The following DLGAP4 variants were observed in gnomAD, a reference collection of about 807,000 sequenced individuals.
DLGAP4 encodes the protein disks large-associated protein 4.
In DLGAP4, 18 loss-of-function variants were observed where a neutral mutation model predicts 86.9. That is an observed-to-expected ratio of 0.21 (90% CI 0.14 to 0.31). The LOEUF (loss-of-function observed/expected upper bound fraction) is 0.31, where lower values mean the gene tolerates loss of function less well. Ranked by LOEUF, DLGAP4 falls within the 10% of genes least tolerant of loss-of-function variation. The probability of loss-of-function intolerance (pLI) is 1.00; values close to 1 mark genes in which losing one functional copy is unlikely to be tolerated. For missense variants in DLGAP4, 1,085 were observed against 1,362.6 expected, an observed-to-expected ratio of 0.80 and a Z score of 3.21; for synonymous variants, 548 against 574.3, an observed-to-expected ratio of 0.95 and a Z score of 0.65.
chr20:36,438,902 A>G (rs1333631220), intron 4 of DLGAP4, among the ~76,000 whole-genome samples: 2 of 151,954 alleles, frequency 1.3e-5, no homozygotes, highest in Admixed American at 6.6e-5. Flanking sequence ...TACAGGCGTG[A>G]GCCACCGCAC....
intron 2 of DLGAP4, among the ~76,000 whole-genome samples, chr20:36,406,634 C>T (rs910783101): frequency 1.3e-5 from 2 of 152,052 alleles, no homozygotes; most frequent in African/African-American, 4.8e-5. Flanking sequence ...AGGTGCAGCT[C>T]ATAGCAGTAT....
chr20:36,462,612 G>GC (rs1232822815), intron 7 of DLGAP4: 1 of 1,591,660 alleles, frequency 6.3e-7, no homozygotes, highest in East Asian at 2.4e-5. Context: ...GAGTGGTGGG[G>GC]TGTCCGGGTC....
intron 7 of DLGAP4, among the ~76,000 whole-genome samples, chr20:36,475,149 G>C (rs563588204): frequency 7.9e-5 from 12 of 152,206 alleles, no homozygotes; most frequent in African/African-American, 2.6e-4. Context: ...GCAGGACCCT[G>C]GGGGTCTCGG....
chr20:36,432,917 G>A lies in DLGAP4; in HGVS notation c.999+201G>A, dbSNP rs1214520979. Among the ~76,000 whole-genome samples, 1 of 152,102 alleles carries A rather than the reference G, an allele frequency of 6.6e-6. No homozygotes were observed. Among genetic ancestry groups the A allele is most frequent in the Admixed American group, 6.5e-5 (1 of 15,268 alleles). On this transcript the variant is annotated intron_variant, in intron 3 of 12. Coordinates refer to ENST00000339266, the MANE Select transcript of DLGAP4 (RefSeq NM_001365621.2). The surrounding 1 kb of genome is among the most constrained non-coding windows in gnomAD (Gnocchi z 6.5). Reference sequence around the variant, plus strand: ...ATGCTCTCAACAGAGATTAATTAGGGCCTTTCTGAGCCCAGCCCTGAGCAG... The same window carrying A: ...ATGCTCTCAACAGAGATTAATTAGGACCTTTCTGAGCCCAGCCCTGAGCAG...
At chr20:36,316,873 G>T (rs1010413281) in intron 1 of DLGAP4, among the ~76,000 whole-genome samples, 6 of 152,146 alleles carry the variant, frequency 3.9e-5, no homozygotes, top group African/African-American at 1.4e-4. Context: ...TGGCACTAAG[G>T]GGGTAACTGA....
At chr20:36,444,204 A>G (rs1011496108) in intron 6 of DLGAP4, among the ~76,000 whole-genome samples, 6 of 152,216 alleles carry the variant, frequency 3.9e-5, no homozygotes, top group African/African-American at 1.4e-4. Flanking sequence ...TCAGTACTGT[A>G]CAGTAGAACT....
intron 1 of DLGAP4, among the ~76,000 whole-genome samples, chr20:36,344,672 G>C (rs2065418031): frequency 6.6e-6 from 1 of 152,216 alleles, no homozygotes; most frequent in Non-Finnish European, 1.5e-5. Flanking sequence ...TTTTCCAGGG[G>C]AACCTGGTCT....
At chr20:36,376,586 T>C (rs1489794257) in intron 2 of DLGAP4, among the ~76,000 whole-genome samples, 1 of 152,000 alleles carries the variant, frequency 6.6e-6, no homozygotes, top group Non-Finnish European at 1.5e-5. Flanking sequence ...AGCAGGGAGA[T>C]TCAACAAGAT....
In DLGAP4 at chr20:36,497,046, C is replaced by T. The variant is rs749428347; in HGVS notation, c.1990C>T (p.Leu664=). ...SHPEAAPKRK[L]SSIGIQVDCI... The stretch of plus-strand genomic sequence containing the variant: ...CCCCGAGGCCGCCCCCAAAAGGAAA[C>T]TGTCATCGATAGGAATACAAGTAGG... The change falls in exon 8 of 13, where the codon CTG becomes TTG. Residue 664 remains leucine (L), a synonymous_variant. Coordinates refer to ENST00000339266, the MANE Select transcript of DLGAP4 (RefSeq NM_001365621.2). 15 of 1,606,596 alleles carry T rather than the reference C, an allele frequency of 9.3e-6. No homozygotes were observed. In the South Asian group the frequency reaches 1.4e-4, roughly 15 times the overall value.
intron 7 of DLGAP4, among the ~76,000 whole-genome samples, chr20:36,469,199 G>A (rs1171654401): frequency 6.6e-6 from 1 of 152,020 alleles, no homozygotes; most frequent in Non-Finnish European, 1.5e-5. Context: ...CAGTGAGCTG[G>A]CCCTGGGGAA....
chr20:36,406,397 CAAAAA>C (rs72014350), intron 2 of DLGAP4, among the ~76,000 whole-genome samples: 2 of 110,142 alleles, frequency 1.8e-5, no homozygotes. Flanking sequence ...GACTCCACCT[CAAAAA>C]AAAAAAAAAA....
At chr20:36,323,175 CAAAAAAAAAAAA>C (rs1164348704) in intron 1 of DLGAP4, among the ~76,000 whole-genome samples, 5 of 35,404 alleles carry the variant, frequency 1.4e-4, no homozygotes, top group East Asian at 1.3e-3. Flanking sequence ...GACCCTATCT[CAAAAAAAAAAAA>C]AAAAAAAAAA....
At chr20:36,522,271 C>T (rs926785328) in intron 10 of DLGAP4, among the ~76,000 whole-genome samples, 20 of 152,056 alleles carry the variant, frequency 1.3e-4, no homozygotes, top group South Asian at 6.2e-4. Context: ...CCTCCCGCCC[C>T]GCCTTGCCTC....
chr20:36,323,264 C>T (rs913318939), intron 1 of DLGAP4, among the ~76,000 whole-genome samples: 2 of 151,754 alleles, frequency 1.3e-5, no homozygotes, highest in Admixed American at 6.6e-5. Flanking sequence ...ATTAATTCCC[C>T]ACCTCCCTTC....
intron 1 of DLGAP4, among the ~76,000 whole-genome samples, chr20:36,330,547 T>C (rs903491110): frequency 1.5e-4 from 21 of 141,292 alleles, no homozygotes; most frequent in Non-Finnish European, 3.1e-4. Flanking sequence ...GAGGCTTCAG[T>C]GACTTTTGGG....
At chr20:36,313,832 G>A (rs2065073725) in intron 1 of DLGAP4, among the ~76,000 whole-genome samples, 1 of 152,156 alleles carries the variant, frequency 6.6e-6, no homozygotes, top group Admixed American at 6.5e-5. Context: ...TAGACCCCAG[G>A]CAAGAGGCCA....
chr20:36,349,104 C>CAAAAAAAA (rs539585564), intron 1 of DLGAP4, among the ~76,000 whole-genome samples: 2 of 39,898 alleles, frequency 5.0e-5, no homozygotes, highest in Non-Finnish European at 7.2e-5. Context: ...GACTCCATCT[C>CAAAAAAAA]AAAAAAAAAA....
intron 7 of DLGAP4, among the ~76,000 whole-genome samples, chr20:36,470,767 T>G (rs147217624): frequency 1.8e-4 from 27 of 152,304 alleles, no homozygotes; most frequent in African/African-American, 6.0e-4. Context: ...ATTTTTCATG[T>G]AAGTCTCTGT....
chr20:36,457,272 G>T (rs1307510270), intron 7 of DLGAP4, among the ~76,000 whole-genome samples: 1 of 151,860 alleles, frequency 6.6e-6, no homozygotes, highest in African/African-American at 2.4e-5. Flanking sequence ...AGGCTGGCGT[G>T]CAGTAGCGAG....
Sources: gnomAD v4.1 joint callset for allele counts (sites outside exome capture counted in the v4.1 genomes callset) on GRCh38, gnomAD v4.1.1 for gene constraint, Gnocchi (gnomAD v3.1) non-coding constraint, MANE v1.5 for transcripts, NCBI Gene and HGNC (gene_info 2026-07-23, HGNC 2026-07-21) for gene names.